The following NOL10 variants were observed in gnomAD, a reference collection of about 807,000 sequenced individuals.
The protein encoded by NOL10 is H_NH0074G24.1.
A neutral mutation model predicts 103.5 loss-of-function variants in NOL10; 58 were observed. The observed-to-expected ratio is 0.56, with a 90% CI of 0.45 to 0.70. The LOEUF (loss-of-function observed/expected upper bound fraction) is 0.70, where lower values mean the gene tolerates loss of function less well. Among genes scored for constraint, NOL10 ranks in the 30% least tolerant of loss-of-function variants. The pLI, the probability that NOL10 is intolerant of heterozygous loss-of-function variation, is 0.00. For missense variants in NOL10, 763 were observed against 807.3 expected (o/e 0.95, Z 0.67); for synonymous variants, 287 against 282.5 (o/e 1.02, Z -0.16).
chr2:10,667,886 G>A (rs1254075427), intron 7 of NOL10, among the ~76,000 whole-genome samples: 1 of 151,958 alleles, frequency 6.6e-6, no homozygotes, highest in Non-Finnish European at 1.5e-5. Flanking sequence ...AAAAATTAGA[G>A]TTTATTTGGT....
At chr2:10,642,539 A>ACCC (rs1350228481) in intron 13 of NOL10, among the ~76,000 whole-genome samples, 1 of 151,634 alleles carries the variant, frequency 6.6e-6, no homozygotes, top group Non-Finnish European at 1.5e-5. Flanking sequence ...GGCTCACAAG[A>ACCC]CCCCTCCTAA....
chr2:10,599,815 A>C (rs2148181932), intron 17 of NOL10, among the ~76,000 whole-genome samples: 1 of 152,280 alleles, frequency 6.6e-6, no homozygotes, highest in East Asian at 1.9e-4. Flanking sequence ...TTACAGATGA[A>C]AAAACTGTGA....
intron 17 of NOL10, among the ~76,000 whole-genome samples, chr2:10,596,325 A>G (rs1362278265): frequency 6.9e-6 from 1 of 145,782 alleles, no homozygotes; most frequent in Non-Finnish European, 1.5e-5. Flanking sequence ...TGTGCACTTT[A>G]TTTCTATTAT....
chr2:10,595,683 C>T (rs138136424), intron 17 of NOL10, among the ~76,000 whole-genome samples: 2,632 of 151,872 alleles, frequency 0.017, 78 homozygotes, highest in African/African-American at 0.059. Flanking sequence ...TGGCTCACTG[C>T]AACCTCTGCC....
intron 7 of NOL10, 74 bp downstream of exon 7, chr2:10,668,584 C>T: frequency 1.4e-6 from 1 of 706,472 alleles, no homozygotes; most frequent in Non-Finnish European, 2.4e-6. Context: ...GTTTATGTTA[C>T]TTGTTAACAA....
chr2:10,612,715 G>C (rs1362022957), intron 13 of NOL10, among the ~76,000 whole-genome samples: 2 of 152,012 alleles, frequency 1.3e-5, no homozygotes, highest in African/African-American at 4.8e-5. Flanking sequence ...TGTTGGCCAG[G>C]CTGGTCTTGA....
intron 13 of NOL10, among the ~76,000 whole-genome samples, chr2:10,624,835 G>A (rs542704812): frequency 3.3e-5 from 5 of 152,226 alleles, no homozygotes; most frequent in South Asian, 4.1e-4. Flanking sequence ...TGTTTAGAGC[G>A]GCTTTATTCC....
chr2:10,641,052 G>T (rs1678666387), intron 13 of NOL10, among the ~76,000 whole-genome samples: 1 of 151,802 alleles, frequency 6.6e-6, no homozygotes, highest in Non-Finnish European at 1.5e-5. Flanking sequence ...CAGGTGCGGT[G>T]GCTCATGCCT....
In NOL10 at chr2:10,628,535, G is replaced by T. The variant is rs1033301777; in HGVS notation, c.1026+15785C>A. On this transcript the variant is annotated intron_variant, in intron 13 of 20. Coordinates refer to ENST00000381685, the MANE Select transcript of NOL10 (RefSeq NM_024894.4). The stretch of plus-strand genomic sequence containing the variant: ...TCTATCCATTGCATTAAATATTTCT[G>T]AAGTTTAATTTCATTGGTTTAATCT... Among the ~76,000 whole-genome samples, 22 of 152,064 alleles carry T rather than the reference G, an allele frequency of 1.4e-4. 1 individual carries two copies. Among genetic ancestry groups the T allele is most frequent in the African/African-American group, 5.3e-4 (22 of 41,394 alleles).
intron 13 of NOL10, among the ~76,000 whole-genome samples, chr2:10,633,240 G>A (rs144874226): frequency 2.2e-3 from 339 of 151,858 alleles, no homozygotes; most frequent in Non-Finnish European, 3.1e-3. Flanking sequence ...TAGTTATTCC[G>A]TTATTTTTTT....
At chr2:10,657,679 G>C in intron 11 of NOL10, 63 bp downstream of exon 11, 1 of 1,399,172 alleles carries the variant, frequency 7.1e-7, no homozygotes. Flanking sequence ...GAAAGGGAGA[G>C]GAAAGGATCA....
At chr2:10,579,934 T>C (rs1193615507) in intron 19 of NOL10, among the ~76,000 whole-genome samples, 3 of 152,350 alleles carry the variant, frequency 2.0e-5, no homozygotes, top group South Asian at 2.1e-4. Context: ...TCCTCCATGA[T>C]AGGGCATACA....
At chr2:10,652,620 C>A (rs1679550606) in intron 12 of NOL10, among the ~76,000 whole-genome samples, 1 of 152,190 alleles carries the variant, frequency 6.6e-6, no homozygotes, top group African/African-American at 2.4e-5. Context: ...GGGCCTGGCA[C>A]TGTCGTTCTG....
At chr2:10,669,586 T>C (rs1680797373) in intron 6 of NOL10, among the ~76,000 whole-genome samples, 3 of 150,762 alleles carry the variant, frequency 2.0e-5, no homozygotes. Context: ...ATGCTACCTT[T>C]TTGATGACCA....
At chr2:10,657,960 G>A in intron 10 of NOL10, 69 bp from the exon 11 acceptor site, 1 of 1,215,500 alleles carries the variant, frequency 8.2e-7, no homozygotes, top group African/African-American at 1.5e-5. Context: ...TTCTAAGTGA[G>A]AATAATGGCA....
chr2:10,659,682 G>A (rs534073397), intron 9 of NOL10, among the ~76,000 whole-genome samples: 5 of 152,214 alleles, frequency 3.3e-5, no homozygotes, highest in African/African-American at 1.2e-4. Flanking sequence ...AACAGAGCAA[G>A]ACCCTGTCTC....
At chr2:10,630,864 T>C (rs994950578) in intron 13 of NOL10, among the ~76,000 whole-genome samples, 1 of 152,236 alleles carries the variant, frequency 6.6e-6, no homozygotes, top group Non-Finnish European at 1.5e-5. Context: ...ATGAATCCTT[T>C]AGTGTGGACA....
chr2:10,668,032 A>G (rs774288974), intron 7 of NOL10, among the ~76,000 whole-genome samples: 4 of 152,182 alleles, frequency 2.6e-5, no homozygotes, highest in Admixed American at 6.5e-5. Flanking sequence ...TGGGCAAACT[A>G]CTTACCTCTC....
At chr2:10,638,694 T>C (rs1279503718) in intron 13 of NOL10, among the ~76,000 whole-genome samples, 1 of 151,122 alleles carries the variant, frequency 6.6e-6, no homozygotes, top group East Asian at 2.0e-4. Context: ...GATTTCACCA[T>C]GTTGGCCAGG....
Sources: gnomAD v4.1 joint callset for allele counts (sites outside exome capture counted in the v4.1 genomes callset) on GRCh38, gnomAD v4.1.1 for gene constraint, MANE v1.5 for transcripts, NCBI Gene and HGNC (gene_info 2026-07-23, HGNC 2026-07-21) for gene names.